Variants in CARMIL2 observed in about 807,000 individuals in gnomAD.
CARMIL2 encodes the protein capping protein regulator and myosin 1 linker 2.
A neutral mutation model predicts 173.3 loss-of-function variants in CARMIL2; 96 were observed. The ratio of observed to expected loss-of-function variants is 0.55; its 90% CI spans 0.47 to 0.66. The LOEUF (loss-of-function observed/expected upper bound fraction) is 0.66. Among genes scored for constraint, CARMIL2 ranks in the 30% least tolerant of loss-of-function variants. The pLI, the probability that CARMIL2 is intolerant of heterozygous loss-of-function variation, is 0.00. For synonymous variants in CARMIL2, 830 were observed against 817.1 expected (o/e 1.02, Z -0.27); for missense variants, 1,771 against 1,906.7 (o/e 0.93, Z 1.33).
intron 12 of CARMIL2, 39 bp from the exon 13 acceptor site, chr16:67,647,807 G>GGGGGGGGGGGGGGGC: frequency 9.2e-7 from 1 of 1,092,398 alleles, no homozygotes; most frequent in Non-Finnish European, 1.4e-6. Context: ...GGGGGGTGGG[G>GGGGGGGGGGGGGGGC]GTCTGTCCAA....
In CARMIL2 at chr16:67,647,011, C is replaced by T. The variant is rs778436905; in HGVS notation, c.611+38C>T. ...CCAGGATGGGAGAGGAGGAAGATCCCGGGGCCCATATCCCTGGGCCTCAGT... is the reference window on the plus strand; with the variant it reads ...CCAGGATGGGAGAGGAGGAAGATCCTGGGGCCCATATCCCTGGGCCTCAGT... On this transcript the variant is annotated intron_variant, in intron 8 of 37. Coordinates refer to ENST00000334583, the MANE Select transcript of CARMIL2 (RefSeq NM_001013838.3). 6.8e-5 allele frequency: 109 copies of T among 1,607,768 alleles called. No individual in the cohort carries two copies. In the Admixed American group the frequency reaches 8.9e-4, roughly 13 times the overall value.
rs767825888 is a variant in CARMIL2 at position 67,651,469 on chromosome 16, G to A, written c.2382G>A (p.Glu794=). ...ACTGGCAGCTTGGGCAGAAGCTGGA[G>A]GGCCTTCTGAGACAGGTGGGCGAGG... The part of the protein sequence containing the change: ...SHHWQLGQKL[E]GLLRQVGEVC... The change falls in exon 24 of 38, where the codon GAG becomes GAA. Residue 794 remains glutamate (E), a synonymous_variant. Transcript: ENST00000334583. This position sits in a 1 kb window ranked among gnomAD's most constrained non-coding sequence, Gnocchi z 4.2. The A allele has an allele frequency of 1.9e-6, 3 of 1,599,822 alleles. No homozygotes were observed. The highest frequency in any genetic ancestry group is 1.1e-5 in the South Asian group (1 of 89,018).
Position 67,651,723 on chromosome 16 carries a change from C to T in CARMIL2, c.2466C>T (p.Leu822=), listed in dbSNP as rs1270379042. 1 of 1,607,206 alleles carries T rather than the reference C, an allele frequency of 6.2e-7. No individual in the cohort carries two copies. Among genetic ancestry groups the T allele is most frequent in the Non-Finnish European group, 8.5e-7 (1 of 1,177,474 alleles). ...CCACACTGGACACAGCAAGGAGCCT[C>T]TGCCCACAGATGCTGCAGGGATCCA... ...TQATLDTARS[L]CPQMLQGSSW... The change falls in exon 25 of 38, where the codon CTC becomes CTT. Residue 822 remains leucine, a synonymous_variant. Transcript: ENST00000334583. The surrounding 1 kb of genome is among the most constrained non-coding windows in gnomAD (Gnocchi z 4.2).
Position 67,649,521 on chromosome 16 carries a change from C to T in CARMIL2, c.1821C>T (p.Thr607=). 1 of 1,607,956 alleles carries T rather than the reference C, an allele frequency of 6.2e-7. No homozygotes were observed. The change falls in exon 20 of 38, where the codon ACC becomes ACT. Residue 607 remains threonine (T), a synonymous_variant. Coordinates refer to ENST00000334583, the MANE Select transcript of CARMIL2 (RefSeq NM_001013838.3). The surrounding 1 kb of genome is among the most constrained non-coding windows in gnomAD (Gnocchi z 6.7). ...GCGTCCTACTCCGGGCCCTAGCCACCAATCCTAACCTGACCGCGCTGGATA... is the reference window on the plus strand; with the variant it reads ...GCGTCCTACTCCGGGCCCTAGCCACTAATCCTAACCTGACCGCGCTGGATA... ...GASVLLRALA[T]NPNLTALDIS...
rs1245286753 is a variant in CARMIL2 at position 67,649,409 on chromosome 16, C to G, written c.1747-38C>G. On this transcript the variant is annotated intron_variant, in intron 19 of 37. Transcript: ENST00000334583. The surrounding 1 kb of genome is among the most constrained non-coding windows in gnomAD (Gnocchi z 6.7). Reference sequence around the variant, plus strand: ...ACCCTGTGACCTGCCCTCACTGACCCCTGACTCCAGCCATCAATGGCTTTC... The same window carrying G: ...ACCCTGTGACCTGCCCTCACTGACCGCTGACTCCAGCCATCAATGGCTTTC... 1 of 1,611,308 alleles carries G rather than the reference C, an allele frequency of 6.2e-7. No individual in the cohort carries two copies. Among genetic ancestry groups the G allele is most frequent in the Non-Finnish European group, 8.5e-7 (1 of 1,179,704 alleles).
chr16:67,654,962 G>A, intron 32 of CARMIL2, 62 bp downstream of exon 32: 5 of 1,598,958 alleles, frequency 3.1e-6, no homozygotes, highest in Non-Finnish European at 4.3e-6. Context: ...GGTGACATAA[G>A]TGACCAAGAT....
rs747916506 is a variant in CARMIL2 at position 67,654,194 on chromosome 16, G to A, written c.3166G>A (p.Val1056Met). 6.4e-7 allele frequency: 1 copy of A among 1,570,444 alleles called. No individual in the cohort carries two copies. Among genetic ancestry groups the A allele is most frequent in the Non-Finnish European group, 8.6e-7 (1 of 1,158,360 alleles). The change falls in exon 30 of 38, where the codon GTG becomes ATG. Residue 1056 changes from valine (V) to methionine (M), a missense_variant. This residue lies in a region of CARMIL2 where 817 missense variants were observed against 903.5 expected (regional missense o/e 0.90). Transcript: ENST00000334583. ...PQEGNGLSAR[V>M]DEGVEEFFSK... ...GGAAGGGAATGGGCTCAGTGCCCGC[G>A]TGGACGAGGGCGTGGAGGAATTCTT...
chr16:67,645,369 G>T, intron 1 of CARMIL2, 83 bp downstream of exon 1: 8 of 1,485,962 alleles, frequency 5.4e-6, no homozygotes, highest in Non-Finnish European at 7.4e-6. Flanking sequence ...CGCCCCAGAG[G>T]GCCTGGTCAG....
Position 67,649,244 on chromosome 16 carries a change from C to G in CARMIL2, c.1689-10C>G. On this transcript the variant is annotated splice_polypyrimidine_tract_variant and intron_variant, in intron 18 of 37. Transcript: ENST00000334583. The surrounding 1 kb of genome is among the most constrained non-coding windows in gnomAD (Gnocchi z 6.7). ...CCCCTGTCCCCCACAACTGCGGCCC[C>G]TGCCCACAGGGAGACCCTGGACGAC... is the stretch of plus-strand genomic sequence containing the variant. 6.2e-7 allele frequency: 1 copy of G among 1,613,460 alleles called. No individual in the cohort carries two copies. Among genetic ancestry groups the G allele is most frequent in the Non-Finnish European group, 8.5e-7 (1 of 1,179,674 alleles).
rs759067822 is a variant in CARMIL2, at chr16:67,651,410, A to T, written c.2323A>T (p.Ile775Phe). The T allele has an allele frequency of 4.4e-6, 7 of 1,590,400 alleles. No individual in the cohort carries two copies. Among genetic ancestry groups the T allele is most frequent in the Non-Finnish European group, 6.0e-6 (7 of 1,166,046 alleles). ...CCTCTTTGGCCCTCAGATTCTCCCCATTCTATATGAAGCTGGAAGCTCCCC... is the reference window on the plus strand; with the variant it reads ...CCTCTTTGGCCCTCAGATTCTCCCCTTTCTATATGAAGCTGGAAGCTCCCC... ...NANFSLSILP[I>F]LYEAGSSPSH... Residue 775 changes from isoleucine (I) to phenylalanine (F), a missense_variant, in exon 24 of 38, where the codon ATT (isoleucine) becomes TTT (phenylalanine). By Grantham distance (21) the Ile-to-Phe change is conservative. This residue lies in a region of CARMIL2 where 817 missense variants were observed against 903.5 expected (regional missense o/e 0.90). Transcript: ENST00000334583. The surrounding 1 kb of genome is among the most constrained non-coding windows in gnomAD (Gnocchi z 4.2).
chr16:67,649,307 A>G lies in CARMIL2; in HGVS notation c.1742A>G (p.Asp581Gly). The G allele has an allele frequency of 1.9e-6, 3 of 1,612,234 alleles. No homozygotes were observed. Among genetic ancestry groups the G allele is most frequent in the Non-Finnish European group, 2.5e-6 (3 of 1,179,644 alleles). The change falls in exon 19 of 38, where the codon GAT becomes GGT. Residue 581 changes from aspartate (D) to glycine (G), a missense_variant. By Grantham distance (94) the Asp-to-Gly change is moderately conservative. Coordinates refer to ENST00000334583, the MANE Select transcript of CARMIL2 (RefSeq NM_001013838.3). This position sits in a 1 kb window ranked among gnomAD's most constrained non-coding sequence, Gnocchi z 6.7. ...ATTGTCCAGCTCATGCAGGACGACG[A>G]TTGTGTGAGTTCACGGGACCTTGCA... The part of the protein sequence containing the change: ...HRIVQLMQDD[D>G]CPLQSLSVAE...
chr16:67,654,012 C>T (rs1339246841), intron 29 of CARMIL2, 137 bp from the exon 30 acceptor site: 2 of 607,330 alleles, frequency 3.3e-6, no homozygotes, highest in Non-Finnish European at 5.7e-6. Context: ...CAGTAGGAGG[C>T]TGGTATCAGC....
At position 67,648,025 on chromosome 16, in the gene CARMIL2, T is replaced by A; in HGVS notation, c.1072-27T>A. On this transcript the variant is annotated intron_variant, in intron 13 of 37. Coordinates refer to ENST00000334583, the MANE Select transcript of CARMIL2 (RefSeq NM_001013838.3). This position sits in a 1 kb window ranked among gnomAD's most constrained non-coding sequence, Gnocchi z 6.1. Reference sequence around the variant, plus strand: ...AAGCCCTGGGTAGGCGATCCCCCACTCCATCGCACCCCTGTCCTCCCTCCA... The same window carrying A: ...AAGCCCTGGGTAGGCGATCCCCCACACCATCGCACCCCTGTCCTCCCTCCA... The A allele has an allele frequency of 6.2e-7, 1 of 1,609,148 alleles. No individual in the cohort carries two copies. Among genetic ancestry groups the A allele is most frequent in the Non-Finnish European group, 8.5e-7 (1 of 1,177,886 alleles).
chr16:67,656,018 C>T lies in CARMIL2; in HGVS notation c.3706-13C>T, dbSNP rs1335606257. The T allele has an allele frequency of 1.9e-6, 3 of 1,585,882 alleles. No homozygotes were observed. The highest frequency in any genetic ancestry group is 2.3e-5 in the South Asian group (2 of 87,114). On this transcript the variant is annotated splice_polypyrimidine_tract_variant and intron_variant, in intron 32 of 37. Coordinates refer to ENST00000334583, the MANE Select transcript of CARMIL2 (RefSeq NM_001013838.3). ...CGGGCAGGGCTGGAATCTGATTGCC[C>T]TGTTTCCTGCAGAGCAAAGATGGCG...
At position 67,654,213 on chromosome 16, in the gene CARMIL2, A is replaced by G; in HGVS notation, c.3185A>G (p.Glu1062Gly). 1 of 1,571,272 alleles carries G rather than the reference A, an allele frequency of 6.4e-7. No homozygotes were observed. Among genetic ancestry groups the G allele is most frequent in the Non-Finnish European group, 8.6e-7 (1 of 1,158,788 alleles). ...LSARVDEGVEEFFSKRLIQQD... is the reference protein window; with the variant it reads ...LSARVDEGVEGFFSKRLIQQD... The stretch of plus-strand genomic sequence containing the variant: ...GCCCGCGTGGACGAGGGCGTGGAGG[A>G]ATTCTTCTCCAAAAGGCTGATCCAG... The change falls in exon 30 of 38, where the codon GAA becomes GGA. Residue 1062 changes from glutamate to glycine, a missense_variant. By Grantham distance (98) the Glu-to-Gly change is moderately conservative (BLOSUM62 -2). Coordinates refer to ENST00000334583, the MANE Select transcript of CARMIL2 (RefSeq NM_001013838.3).
chr16:67,647,249 C>T (rs760638363), intron 9 of CARMIL2, 50 bp from the exon 10 acceptor site: 1 of 1,610,670 alleles, frequency 6.2e-7, no homozygotes, highest in African/African-American at 1.3e-5. Flanking sequence ...AGGGTGCAGC[C>T]CGCTGAGGGC....
rs956168738 is a variant in CARMIL2 at position 67,657,101 on chromosome 16, C to T, written c.4118-138C>T. ...GAGCAGCCTCTGCCAGGGGTGAGGACGCAGGGACGGGGGATGCTCTGAAGG... is the reference window on the plus strand; with the variant it reads ...GAGCAGCCTCTGCCAGGGGTGAGGATGCAGGGACGGGGGATGCTCTGAAGG... On this transcript the variant is annotated intron_variant, in intron 36 of 37. Transcript: ENST00000334583. The surrounding 1 kb of genome is among the most constrained non-coding windows in gnomAD (Gnocchi z 4.5). The T allele has an allele frequency of 6.8e-5, 58 of 851,418 alleles. No individual in the cohort carries two copies. The highest frequency in any genetic ancestry group is 2.7e-4 in the South Asian group (16 of 60,244). 52.7% of individuals were successfully genotyped at this position (851,418 alleles called of 1,614,324 possible).
rs1200400109 is a variant in CARMIL2 at position 67,654,792 on chromosome 16, G to A, written c.3597G>A (p.Glu1199=). 1.9e-6 allele frequency: 3 copies of A among 1,613,302 alleles called. No individual in the cohort carries two copies. The highest frequency in any genetic ancestry group is 2.5e-6 in the Non-Finnish European group (3 of 1,179,890). ...TCTGTCCCTAGCGGCGGCCCCTGGAGCGGGGAGAAACAGAACTGGCTCCAT... is the reference window on the plus strand; with the variant it reads ...TCTGTCCCTAGCGGCGGCCCCTGGAACGGGGAGAAACAGAACTGGCTCCAT... The part of the protein sequence containing the change: ...GARPDKRRPL[E]RGETELAPSF... The change falls in exon 32 of 38, where the codon GAG becomes GAA. Residue 1199 remains glutamate (E), a synonymous_variant. Coordinates refer to ENST00000334583, the MANE Select transcript of CARMIL2 (RefSeq NM_001013838.3).
At chr16:67,647,435 G>A (rs2052615761) in intron 10 of CARMIL2, 48 bp downstream of exon 10, 2 of 1,558,594 alleles carry the variant, frequency 1.3e-6, no homozygotes, top group Non-Finnish European at 8.7e-7. Flanking sequence ...GGAGGCTTGG[G>A]ACTGGGGGCT....
Sources: allele counts gnomAD v4.1 joint callset, GRCh38; gene constraint gnomAD v4.1.1; regional missense constraint gnomAD v4.1.1; non-coding constraint Gnocchi (gnomAD v3.1); transcripts MANE v1.5; gene names NCBI Gene and HGNC (gene_info 2026-07-23, HGNC 2026-07-21).